Variants in MYO5B observed in about 807,000 individuals in gnomAD.
MYO5B encodes myosin VB.
MYO5B carries 143 observed loss-of-function variants against 229.3 expected under a neutral mutation model. The observed-to-expected ratio is 0.62, with a 90% CI of 0.54 to 0.72. The LOEUF (loss-of-function observed/expected upper bound fraction) is 0.72. Among genes scored for constraint, MYO5B ranks in the 30% least tolerant of loss-of-function variants. MYO5B has a pLI of 0.00. For synonymous variants in MYO5B, 918 were observed against 885.2 expected (o/e 1.04, Z -0.66); for missense variants, 2,321 against 2,331.0 (o/e 1.00, Z 0.09).
chr18:50,062,274 T>C (rs1258989343), intron 1 of MYO5B, among the ~76,000 whole-genome samples: 1 of 152,160 alleles, frequency 6.6e-6, no homozygotes, highest in South Asian at 2.1e-4. Flanking sequence ...CAACAACGCC[T>C]TGACCGGAAG....
At chr18:49,966,111 A>C (rs1331719290) in intron 10 of MYO5B, among the ~76,000 whole-genome samples, 2 of 152,108 alleles carry the variant, frequency 1.3e-5, no homozygotes, top group Non-Finnish European at 2.9e-5. Context: ...GTGCAGAGGG[A>C]ACACCACAGA....
chr18:49,932,311 G>A (rs1369571795), intron 16 of MYO5B, among the ~76,000 whole-genome samples: 2 of 152,192 alleles, frequency 1.3e-5, no homozygotes, highest in Non-Finnish European at 2.9e-5. Flanking sequence ...TGAGGGCAGG[G>A]TTGGGGACAT....
chr18:49,911,661 A>G (rs1011860141), intron 18 of MYO5B, among the ~76,000 whole-genome samples: 1 of 152,218 alleles, frequency 6.6e-6, no homozygotes, highest in Admixed American at 6.5e-5. Context: ...CCCAGTCACA[A>G]CTGTTTACAG....
intron 1 of MYO5B, among the ~76,000 whole-genome samples, chr18:50,099,742 C>A (rs147898526): frequency 6.6e-6 from 1 of 152,186 alleles, no homozygotes; most frequent in East Asian, 1.9e-4. Flanking sequence ...CATGAATTTG[C>A]AGAATAGTTA....
intron 2 of MYO5B, among the ~76,000 whole-genome samples, chr18:50,040,738 C>T (rs564256880): frequency 2.0e-4 from 30 of 152,326 alleles, no homozygotes; most frequent in African/African-American, 7.2e-4. Flanking sequence ...ATCTGATGAA[C>T]TGCCCTCTAT....
intron 1 of MYO5B, among the ~76,000 whole-genome samples, chr18:50,139,779 AG>A (rs2032390027): frequency 6.6e-6 from 1 of 152,146 alleles, no homozygotes; most frequent in Non-Finnish European, 1.5e-5. Flanking sequence ...CAGGTCCGGC[AG>A]GCAGAACCAC....
intron 4 of MYO5B, among the ~76,000 whole-genome samples, chr18:50,035,997 C>T (rs1285397846): frequency 2.0e-5 from 3 of 152,154 alleles, no homozygotes; most frequent in Admixed American, 6.6e-5. Flanking sequence ...GAAGCACAGA[C>T]CACCTAGAAT....
intron 17 of MYO5B, among the ~76,000 whole-genome samples, chr18:49,916,604 G>A (rs2025017001): frequency 6.6e-6 from 1 of 152,172 alleles, no homozygotes; most frequent in Admixed American, 6.5e-5. Context: ...CACAGACAGG[G>A]TGTGCAGAGA....
chr18:50,147,033 C>T (rs1206150456), intron 1 of MYO5B, among the ~76,000 whole-genome samples: 1 of 152,172 alleles, frequency 6.6e-6, no homozygotes, highest in Non-Finnish European at 1.5e-5. Context: ...CCAGTGGTCA[C>T]CATCTTGTCT....
At chr18:50,181,981 C>T (rs930503049) in intron 1 of MYO5B, among the ~76,000 whole-genome samples, 5 of 152,138 alleles carry the variant, frequency 3.3e-5, no homozygotes, top group African/African-American at 1.2e-4. Flanking sequence ...ATACTAATAC[C>T]TCCTTAATGC....
At position 50,195,129 on chromosome 18, in the gene MYO5B, C is replaced by A. The variant is rs1239955817; in HGVS notation, c.-336G>T. Reference sequence around the variant, plus strand: ...CCCGCTCGCGTCAGAGCGGACGGCCCGTGCGCCGCCGCGCCTCTGAGCCCT... The same window carrying A: ...CCCGCTCGCGTCAGAGCGGACGGCCAGTGCGCCGCCGCGCCTCTGAGCCCT... On this transcript the variant is annotated 5_prime_UTR_variant, in exon 1 of 40. Transcript: ENST00000285039. 2.5e-5 allele frequency: 5 copies of A among 202,526 alleles called. No individual in the cohort carries two copies. The highest frequency in any genetic ancestry group is 1.9e-4 in the South Asian group (1 of 5,312). 12.5% of individuals were successfully genotyped at this position (202,526 alleles called of 1,614,324 possible).
At chr18:50,102,640 A>G (rs2144504477) in intron 1 of MYO5B, among the ~76,000 whole-genome samples, 1 of 152,244 alleles carries the variant, frequency 6.6e-6, no homozygotes. Context: ...AGAGAATCAG[A>G]ACCTGGCTCT....
intron 9 of MYO5B, among the ~76,000 whole-genome samples, chr18:49,977,278 AG>A (rs1202642235): frequency 7.2e-5 from 11 of 152,226 alleles, no homozygotes; most frequent in African/African-American, 2.7e-4. Context: ...AATAAGTAGC[AG>A]ATCAGTTTTA....
Position 50,172,135 on chromosome 18 carries a change from G to C in MYO5B, c.27+22632C>G, listed in dbSNP as rs1307639804. Among the ~76,000 whole-genome samples, 4 of 152,120 alleles carry C rather than the reference G, an allele frequency of 2.6e-5. No homozygotes were observed. In the East Asian group the frequency reaches 7.7e-4, roughly 29 times the overall value. On this transcript the variant is annotated intron_variant, in intron 1 of 39. Transcript: ENST00000285039. ...ATCTCTACAAAAACTTTAAAAATTA[G>C]CCAGGCATGGTGGCACACAACTGTA...
intron 1 of MYO5B, among the ~76,000 whole-genome samples, chr18:50,138,280 A>G (rs1484348499): frequency 6.6e-6 from 1 of 152,220 alleles, no homozygotes; most frequent in Non-Finnish European, 1.5e-5. Flanking sequence ...TGTTTTCTCT[A>G]TCAAGCTGAA....
chr18:50,026,762 T>C (rs567715874), intron 4 of MYO5B, among the ~76,000 whole-genome samples: 4 of 152,250 alleles, frequency 2.6e-5, no homozygotes, highest in Non-Finnish European at 5.9e-5. Flanking sequence ...ACCCTCACTC[T>C]GTGCCAGAAA....
intron 5 of MYO5B, among the ~76,000 whole-genome samples, chr18:50,000,324 C>G (rs2026032304): frequency 6.6e-6 from 1 of 152,146 alleles, no homozygotes; most frequent in East Asian, 1.9e-4. Context: ...TGTCTTCTTA[C>G]TATTGTAGGT....
chr18:49,966,053 C>T (rs2025621527), intron 10 of MYO5B, among the ~76,000 whole-genome samples: 1 of 152,100 alleles, frequency 6.6e-6, no homozygotes, highest in African/African-American at 2.4e-5. Context: ...AATGTTGCAG[C>T]TGGCCCTGAT....
At chr18:50,166,703 AGTTTT>A (rs1402919677) in intron 1 of MYO5B, among the ~76,000 whole-genome samples, 1 of 152,184 alleles carries the variant, frequency 6.6e-6, no homozygotes, top group Admixed American at 6.5e-5. Context: ...ATCAGTTTGA[AGTTTT>A]GATTTCATAA....
Sources: gnomAD v4.1 joint callset for allele counts (sites outside exome capture counted in the v4.1 genomes callset) on GRCh38, gnomAD v4.1.1 for gene constraint, MANE v1.5 for transcripts, NCBI Gene and HGNC (gene_info 2026-07-23, HGNC 2026-07-21) for gene names.